Variants in SWAP70 observed in about 807,000 individuals in gnomAD.
SWAP70 encodes switching B cell complex subunit SWAP70.
Under a neutral mutation model 80.2 loss-of-function variants are expected in SWAP70, and 34 were observed. The ratio of observed to expected loss-of-function variants is 0.42; its 90% CI spans 0.32 to 0.56. SWAP70 has a LOEUF of 0.56. Ranked by LOEUF, SWAP70 falls within the 20% of genes least tolerant of loss-of-function variation. The pLI, the probability that SWAP70 is intolerant of heterozygous loss-of-function variation, is 0.09. For synonymous variants in SWAP70, 239 were observed against 238.5 expected (o/e 1.00, Z -0.02); for missense variants, 578 against 690.7 (o/e 0.84, Z 1.83).
intron 3 of SWAP70, among the ~76,000 whole-genome samples, chr11:9,714,930 C>T (rs4910497): frequency 0.21 from 31,285 of 145,958 alleles, 4,493 homozygotes; most frequent in Non-Finnish European, 0.31. Context: ...CTGCACCCCG[C>T]GGAGTAGCTG....
chr11:9,714,264 G>A (rs575037134), intron 3 of SWAP70, among the ~76,000 whole-genome samples: 21 of 137,342 alleles, frequency 1.5e-4, no homozygotes, highest in African/African-American at 5.4e-4. Flanking sequence ...ATCAGCTGTA[G>A]TCCCCACACT....
intron 11 of SWAP70, 109 bp from the exon 12 acceptor site, chr11:9,749,755 C>G: frequency 1.5e-6 from 1 of 674,384 alleles, no homozygotes; most frequent in Non-Finnish European, 2.6e-6. Context: ...TATGCATGTT[C>G]CTCAAAGAAG....
chr11:9,671,357 TAAATA>T lies in SWAP70; in HGVS notation c.99+7093_99+7097del, dbSNP rs1205188956. ...AAATATATTTAAAAATATAAATATA[TAAATA>T]AAATAAAATAAAAATAAAAATATAT... On this transcript the variant is annotated intron_variant, in intron 1 of 11. Coordinates refer to ENST00000318950, the MANE Select transcript of SWAP70 (RefSeq NM_015055.4). Among the ~76,000 whole-genome samples the T allele has an allele frequency of 8.4e-5, 9 of 106,862 alleles. No individual in the cohort carries two copies. The East Asian group carries it at 1.2e-3, about 14-fold the overall frequency. 70.1% of individuals were successfully genotyped at this position (106,862 alleles called of 152,430 possible). A position where few individuals can be genotyped will look rare whatever the true frequency, so the allele number is the denominator to read the frequency against.
chr11:9,666,997 A>G (rs1233414199), intron 1 of SWAP70, among the ~76,000 whole-genome samples: 2 of 151,818 alleles, frequency 1.3e-5, no homozygotes, highest in African/African-American at 2.4e-5. Flanking sequence ...TGCTGGGACT[A>G]CAGGTGCCCG....
chr11:9,703,656 T>G, intron 2 of SWAP70, among the ~76,000 whole-genome samples: 1 of 152,332 alleles, frequency 6.6e-6, no homozygotes, highest in Middle Eastern at 3.4e-3. Flanking sequence ...TATTGTTTGG[T>G]GTCTGATTCC....
chr11:9,747,751 G>A, intron 9 of SWAP70, 107 bp from the exon 10 acceptor site: 1 of 1,049,206 alleles, frequency 9.5e-7, no homozygotes. Flanking sequence ...ATGAAAGGGG[G>A]ATTAGACGAC....
chr11:9,719,402 G>T (rs1433363682), intron 3 of SWAP70, among the ~76,000 whole-genome samples: 1 of 152,144 alleles, frequency 6.6e-6, no homozygotes, highest in Non-Finnish European at 1.5e-5. Context: ...ATGGCAGTTA[G>T]CCAGGTGTGG....
chr11:9,671,883 T>C (rs1375743893), intron 1 of SWAP70, among the ~76,000 whole-genome samples: 1 of 108,038 alleles, frequency 9.3e-6, no homozygotes, highest in African/African-American at 3.8e-5. Flanking sequence ...TTAAATATAA[T>C]TTTAATTTAA....
intron 3 of SWAP70, among the ~76,000 whole-genome samples, chr11:9,719,022 A>C (rs144933291): frequency 1.5e-3 from 230 of 149,698 alleles, no homozygotes; most frequent in African/African-American, 5.0e-3. Context: ...ATCACCCAGG[A>C]GGCAGACATT....
At chr11:9,682,641 T>C (rs994494496) in intron 1 of SWAP70, among the ~76,000 whole-genome samples, 3 of 152,198 alleles carry the variant, frequency 2.0e-5, no homozygotes, top group African/African-American at 7.2e-5. Context: ...ATTTAAGTCT[T>C]TTGATTCATA....
chr11:9,720,488 G>A, intron 3 of SWAP70: 2 of 985,424 alleles, frequency 2.0e-6, no homozygotes, highest in Non-Finnish European at 2.4e-6. Flanking sequence ...TAAGAGGTAG[G>A]TGAGGAAGAG....
chr11:9,665,460 A>G (rs1166088565), intron 1 of SWAP70, among the ~76,000 whole-genome samples: 4 of 152,208 alleles, frequency 2.6e-5, no homozygotes, highest in African/African-American at 4.8e-5. Flanking sequence ...AAATTTCAAC[A>G]TATGTATAGA....
At chr11:9,672,530 ATT>A (rs58704706) in intron 1 of SWAP70, among the ~76,000 whole-genome samples, 1 of 88,380 alleles carries the variant, frequency 1.1e-5, no homozygotes, top group Non-Finnish European at 2.1e-5. Flanking sequence ...CACCTGGCTA[ATT>A]TTTTTTTTTT....
intron 7 of SWAP70, 130 bp downstream of exon 7, chr11:9,732,840 T>G: frequency 1.2e-6 from 1 of 859,446 alleles, no homozygotes; most frequent in Non-Finnish European, 1.7e-6. Flanking sequence ...TGGTGAACTG[T>G]TCTCAGAAGT....
intron 1 of SWAP70, among the ~76,000 whole-genome samples, chr11:9,675,776 A>G (rs10770055): frequency 0.9 from 135,868 of 151,746 alleles, 62,114 homozygotes; most frequent in Non-Finnish European, 0.99. Context: ...CAATCTGTGC[A>G]CCTTCTACCG....
chr11:9,726,642 A>G (rs913343892), intron 4 of SWAP70, among the ~76,000 whole-genome samples: 3 of 152,252 alleles, frequency 2.0e-5, no homozygotes, highest in South Asian at 4.1e-4. Flanking sequence ...GAAACTTACA[A>G]TCAATATCAT....
intron 9 of SWAP70, 74 bp from the exon 10 acceptor site, chr11:9,747,784 A>T: frequency 7.1e-7 from 1 of 1,405,554 alleles, no homozygotes; most frequent in Non-Finnish European, 1.0e-6. Context: ...CTTGTCTAAA[A>T]TGCTTCCCTC....
At chr11:9,665,359 G>T (rs150028198) in intron 1 of SWAP70, among the ~76,000 whole-genome samples, 3 of 152,194 alleles carry the variant, frequency 2.0e-5, no homozygotes, top group Non-Finnish European at 2.9e-5. Context: ...TAGTCTGGAA[G>T]GGTCCATGGA....
intron 1 of SWAP70, among the ~76,000 whole-genome samples, chr11:9,675,035 TGCCTGTAATACTA>T (rs1025395513): frequency 2.0e-5 from 3 of 151,892 alleles, no homozygotes; most frequent in African/African-American, 7.3e-5. Context: ...CAGTGGCTCA[TGCCTGTAATACTA>T]GCACTTTTGG....
Sources: allele counts gnomAD v4.1 joint callset (sites outside exome capture counted in the v4.1 genomes callset), GRCh38; gene constraint gnomAD v4.1.1; transcripts MANE v1.5; gene names NCBI Gene and HGNC (gene_info 2026-07-23, HGNC 2026-07-21).